SOS1: variants seen among roughly 807,000 people sequenced by gnomAD.
SOS1 encodes the protein son of sevenless homolog 1.
Under a neutral mutation model 157.6 loss-of-function variants are expected in SOS1, and 25 were observed. That is an observed-to-expected ratio of 0.16 (90% CI 0.12 to 0.22). SOS1 has a LOEUF of 0.22. Among genes scored for constraint, SOS1 ranks in the 10% least tolerant of loss-of-function variants. The probability of loss-of-function intolerance (pLI) is 1.00; values close to 1 mark genes in which losing one functional copy is unlikely to be tolerated. For synonymous variants in SOS1, 528 were observed against 534.0 expected (o/e 0.99, Z 0.16); for missense variants, 1,237 against 1,599.1 (o/e 0.77, Z 3.86).
Position 39,076,071 on chromosome 2 carries a change from A to G in SOS1, c.88-8318T>C, listed in dbSNP as rs139250508. Among the ~76,000 whole-genome samples, 5 of 152,314 alleles carry G rather than the reference A, an allele frequency of 3.3e-5. No homozygotes were observed. The East Asian group carries it at 9.6e-4, about 29-fold the overall frequency. On this transcript the variant is annotated intron_variant, in intron 1 of 22. Coordinates refer to ENST00000402219, the MANE Select transcript of SOS1 (RefSeq NM_005633.4). ...AAACCAAACCAACACTATCTAGGAA[A>G]GAATAACTGTTCATGGACATAGATG...
chr2:39,105,898 T>C (rs902355540), intron 1 of SOS1, among the ~76,000 whole-genome samples: 2 of 151,274 alleles, frequency 1.3e-5, no homozygotes, highest in South Asian at 4.2e-4. Context: ...AGACTCTGTC[T>C]CAAAAAGAAA....
chr2:39,004,894 T>C (rs72799435), intron 17 of SOS1, among the ~76,000 whole-genome samples: 3,007 of 152,020 alleles, frequency 0.02, 43 homozygotes, highest in Middle Eastern at 0.058. Flanking sequence ...TTGGAAACCA[T>C]GGGATGAAAT....
chr2:39,062,422 T>G (rs200901406), intron 2 of SOS1, among the ~76,000 whole-genome samples: 2 of 118,762 alleles, frequency 1.7e-5, no homozygotes, highest in Admixed American at 8.6e-5. Flanking sequence ...TGTCTCAAAA[T>G]AAAAAAAAAA....
At chr2:39,001,307 C>G (rs1669090023) in intron 17 of SOS1, among the ~76,000 whole-genome samples, 1 of 152,224 alleles carries the variant, frequency 6.6e-6, no homozygotes, top group South Asian at 2.1e-4. Context: ...AAGCAATTCG[C>G]TCACCTCAAC....
intron 1 of SOS1, among the ~76,000 whole-genome samples, chr2:39,095,252 G>C (rs1672730897): frequency 6.6e-6 from 1 of 152,172 alleles, no homozygotes. Flanking sequence ...TCTACACAGA[G>C]AACCACAAAA....
chr2:39,008,283 A>C (rs1461335252), intron 15 of SOS1, among the ~76,000 whole-genome samples: 2 of 152,166 alleles, frequency 1.3e-5, no homozygotes, highest in Non-Finnish European at 2.9e-5. Flanking sequence ...GCGGGTAAGA[A>C]GACCTCAGGC....
At chr2:39,120,296 G>T (rs773838794) in intron 1 of SOS1, 40 bp downstream of exon 1, 99 of 1,536,126 alleles carry the variant, frequency 6.4e-5, no homozygotes, top group Non-Finnish European at 8.2e-5. Context: ...CCCGCGCTGG[G>T]GGGCTGCGGC....
At position 39,099,303 on chromosome 2, in the gene SOS1, G is replaced by C. The variant is rs79969685; in HGVS notation, c.87+21033C>G. ...AAGTACTGATACATGCTAAAATATG[G>C]ATGAACCTTGAAAACATTTTGCTAA... On this transcript the variant is annotated intron_variant, in intron 1 of 22. Coordinates refer to ENST00000402219, the MANE Select transcript of SOS1 (RefSeq NM_005633.4). 7.3e-3 allele frequency among the ~76,000 whole-genome samples: 1,116 copies of C among 152,256 alleles called. 12 individuals are homozygous for C. The highest frequency in any genetic ancestry group is 0.026 in the African/African-American group (1,073 of 41,538).
rs900337258 is a variant in SOS1, at chr2:39,013,499, G to C, written c.2128C>G (p.Leu710Val). Residue 710 changes from leucine (L) to valine (V), a missense_variant, in exon 13 of 23, where the codon CTT (leucine) becomes GTT (valine). By Grantham distance (32) the Leu-to-Val change is conservative (BLOSUM62 1). Around this residue, in one of 15 missense-constraint regions of SOS1, gnomAD observed 42 missense variants for 80.4 expected, o/e 0.52. Coordinates refer to ENST00000402219, the MANE Select transcript of SOS1 (RefSeq NM_005633.4). ...HFYDFERDAY[L>V]LQRMEEFIGT... ...ATAAATTCTTCCATTCGTTGCAAAA[G>C]ATATGCATCTCTTTCAAAATCATAG... 2 of 1,611,430 alleles carry C rather than the reference G, an allele frequency of 1.2e-6. No individual in the cohort carries two copies. The highest frequency in any genetic ancestry group is 1.3e-5 in the African/African-American group (1 of 74,586).
intron 1 of SOS1, among the ~76,000 whole-genome samples, chr2:39,117,543 C>G (rs1673699323): frequency 6.6e-6 from 1 of 152,172 alleles, no homozygotes; most frequent in Non-Finnish European, 1.5e-5. Context: ...GTCAGAAAAG[C>G]AGGATGAAGC....
upstream of SOS1, chr2:39,124,313 G>A (rs1674000928): frequency 6.6e-6 from 1 of 152,336 alleles, no homozygotes; most frequent in Admixed American, 6.5e-5. Context: ...TACCGCCGAC[G>A]GGTGCGCCCT....
At chr2:39,103,355 C>T (rs1020931725) in intron 1 of SOS1, among the ~76,000 whole-genome samples, 2 of 150,876 alleles carry the variant, frequency 1.3e-5, no homozygotes, top group African/African-American at 4.9e-5. Flanking sequence ...CCAAAACAAT[C>T]AAGAAAAAAA....
rs200188697 is a variant in SOS1, at chr2:39,042,712, ATTTTTTTTTTTT to A, written c.865-7224_865-7213del. On this transcript the variant is annotated intron_variant, in intron 6 of 22. Coordinates refer to ENST00000402219, the MANE Select transcript of SOS1 (RefSeq NM_005633.4). ...GCCACTGTGCCCAGCTAATTTTATG[ATTTTTTTTTTTT>A]TTTTTTTTAAAAACAAAGGTCCTGT... Among the ~76,000 whole-genome samples, 11 of 132,638 alleles carry A rather than the reference ATTTTTTTTTTTT, an allele frequency of 8.3e-5. 1 individual carries two copies. In the South Asian group the frequency reaches 2.7e-3, roughly 33 times the overall value. The allele number at this position is 132,638 out of a possible 152,430, so 87.0% of individuals were successfully genotyped here.
At chr2:38,997,108 T>C in intron 18 of SOS1, 70 bp from the exon 19 acceptor site, 4 of 1,073,456 alleles carry the variant, frequency 3.7e-6, no homozygotes, top group Non-Finnish European at 5.6e-6. Flanking sequence ...TCATGGAAAG[T>C]TAAGAAAACA....
upstream of SOS1, among the ~76,000 whole-genome samples, chr2:39,122,845 G>C (rs1299472178): frequency 1.3e-5 from 2 of 151,898 alleles, no homozygotes; most frequent in East Asian, 2.0e-4. Context: ...CGCCCGGTCA[G>C]CCCTCTTCAA....
intron 15 of SOS1, among the ~76,000 whole-genome samples, chr2:39,009,068 G>A (rs1011524949): frequency 5.3e-5 from 8 of 151,954 alleles, no homozygotes; most frequent in East Asian, 1.9e-4. Context: ...TTATGAATAC[G>A]GTCACGGAAT....
intron 17 of SOS1, among the ~76,000 whole-genome samples, chr2:39,004,284 T>A (rs1647567492): frequency 6.7e-6 from 1 of 149,664 alleles, no homozygotes; most frequent in South Asian, 2.1e-4. Context: ...CTGGGTGTGG[T>A]GGTGGGCGCC....
chr2:39,079,300 C>A (rs1672123785), intron 1 of SOS1, among the ~76,000 whole-genome samples: 1 of 151,890 alleles, frequency 6.6e-6, no homozygotes, highest in African/African-American at 2.4e-5. Flanking sequence ...ACAATACGAT[C>A]CATTTATATC....
In SOS1 at chr2:39,095,450, G is replaced by A. The variant is rs925086673; in HGVS notation, c.87+24886C>T. Among the ~76,000 whole-genome samples, 85 of 152,256 alleles carry A rather than the reference G, an allele frequency of 5.6e-4. 1 individual carries two copies. Among genetic ancestry groups the A allele is most frequent in the African/African-American group, 2.0e-3 (83 of 41,544 alleles). On this transcript the variant is annotated intron_variant, in intron 1 of 22. Coordinates refer to ENST00000402219, the MANE Select transcript of SOS1 (RefSeq NM_005633.4). Reference sequence around the variant, plus strand: ...GAGAGATTCAGTTAGGAAAAGCTAAGGTAAGGCATATTTCCTAGGTTATCA... The same window carrying A: ...GAGAGATTCAGTTAGGAAAAGCTAAAGTAAGGCATATTTCCTAGGTTATCA...
Sources: gnomAD v4.1 joint callset for allele counts (sites outside exome capture counted in the v4.1 genomes callset) on GRCh38, gnomAD v4.1.1 for gene constraint, gnomAD v4.1.1 regional missense constraint, MANE v1.5 for transcripts, NCBI Gene and HGNC (gene_info 2026-07-23, HGNC 2026-07-21) for gene names.